The following DOCK1 variants were observed in gnomAD, a reference collection of about 807,000 sequenced individuals.
DOCK1 encodes the protein dedicator of cytokinesis 1, also known as dedicator of cytokinesis protein 1.
In DOCK1, 138 loss-of-function variants were observed where a neutral mutation model predicts 262.7. The observed-to-expected ratio is 0.53, with a 90% CI of 0.46 to 0.61. The LOEUF is 0.61. DOCK1 is among the 20% of genes least tolerant of loss of function. The pLI, the probability that DOCK1 is intolerant of heterozygous loss-of-function variation, is 0.00. For synonymous variants in DOCK1, 866 were observed against 867.4 expected, an observed-to-expected ratio of 1.00 and a Z score of 0.03; for missense variants, 1,908 against 2,370.7, an observed-to-expected ratio of 0.80 and a Z score of 4.05.
At chr10:127,265,263 T>C (rs542691215) in intron 29 of DOCK1, among the ~76,000 whole-genome samples, 3 of 152,316 alleles carry the variant, frequency 2.0e-5, no homozygotes, top group African/African-American at 7.2e-5. Flanking sequence ...TATTGTTTGG[T>C]TTTGTTCTAT....
At chr10:126,910,224 T>A (rs1564976561) in intron 1 of DOCK1, among the ~76,000 whole-genome samples, 1 of 152,254 alleles carries the variant, frequency 6.6e-6, no homozygotes, top group Admixed American at 6.5e-5. Flanking sequence ...AAACCTGATT[T>A]TACTTTGGAA....
intron 27 of DOCK1, among the ~76,000 whole-genome samples, chr10:127,134,195 A>T (rs1239126662): frequency 6.6e-6 from 1 of 152,190 alleles, no homozygotes; most frequent in East Asian, 1.9e-4. Context: ...GTTTTAATTA[A>T]GAGTTGTGTA....
rs1034582617 is a variant in DOCK1 at position 127,334,261 on chromosome 10, C to T, written c.3045-4745C>T. The stretch of plus-strand genomic sequence containing the variant: ...AGCCATTGATAGATAGATAGACATA[C>T]TTGAATTAAGACTTTAATTGTACAA... On this transcript the variant is annotated intron_variant, in intron 29 of 51. Transcript: ENST00000623213. Among the ~76,000 whole-genome samples, 4 of 152,172 alleles carry T rather than the reference C, an allele frequency of 2.6e-5. No homozygotes were observed. The East Asian group carries it at 7.7e-4, about 29-fold the overall frequency.
chr10:127,018,514 C>T, intron 12 of DOCK1, 196 bp from the exon 13 acceptor site: 1 of 720,086 alleles, frequency 1.4e-6, no homozygotes, highest in South Asian at 1.9e-5. Context: ...GGGCTGGCAT[C>T]CCAGCTCGTT....
intron 27 of DOCK1, among the ~76,000 whole-genome samples, chr10:127,190,306 C>T (rs909426857): frequency 2.0e-5 from 3 of 152,160 alleles, no homozygotes; most frequent in Non-Finnish European, 4.4e-5. Context: ...GCCCTGGAAG[C>T]CGTCTTCCTC....
intron 27 of DOCK1, among the ~76,000 whole-genome samples, chr10:127,196,791 C>T (rs891729663): frequency 2.0e-5 from 3 of 151,608 alleles, no homozygotes; most frequent in East Asian, 2.0e-4. Context: ...CGCGGGGCTC[C>T]GCCACAGCGC....
intron 3 of DOCK1, 124 bp from the exon 4 acceptor site, chr10:126,981,794 A>T: frequency 1.1e-6 from 1 of 873,664 alleles, no homozygotes; most frequent in Non-Finnish European, 1.7e-6. Context: ...TTGATATGTT[A>T]AGACTTAAAA....
At chr10:127,339,204 G>A (rs1241241782) in intron 30 of DOCK1, 120 bp downstream of exon 30, 19 of 859,430 alleles carry the variant, frequency 2.2e-5, no homozygotes, top group Non-Finnish European at 3.5e-5. Flanking sequence ...CATCCAAGAT[G>A]CGGAAACGGA....
intron 29 of DOCK1, among the ~76,000 whole-genome samples, chr10:127,308,153 CTT>C (rs2061943337): frequency 6.6e-6 from 1 of 152,218 alleles, no homozygotes; most frequent in Non-Finnish European, 1.5e-5. Flanking sequence ...AACCACATGC[CTT>C]TCTCTCTAGG....
At chr10:127,285,711 G>T (rs55688171) in intron 29 of DOCK1, among the ~76,000 whole-genome samples, 4,494 of 152,332 alleles carry the variant, frequency 0.03, 102 homozygotes, top group Middle Eastern at 0.061. Context: ...CTGGGCACTG[G>T]TAGTCCCTAT....
intron 1 of DOCK1, among the ~76,000 whole-genome samples, chr10:126,960,749 C>T (rs1194358480): frequency 2.9e-4 from 38 of 129,524 alleles, no homozygotes; most frequent in African/African-American, 8.5e-4. Flanking sequence ...TATATATACA[C>T]ACACACACAC....
At chr10:126,914,702 T>C (rs982954677) in intron 1 of DOCK1, among the ~76,000 whole-genome samples, 1 of 152,204 alleles carries the variant, frequency 6.6e-6, no homozygotes, top group African/African-American at 2.4e-5. Flanking sequence ...TAGGTAAACT[T>C]AGGTGTATTT....
chr10:127,372,765 A>G (rs1168683860), intron 33 of DOCK1, among the ~76,000 whole-genome samples: 1 of 152,218 alleles, frequency 6.6e-6, no homozygotes, highest in East Asian at 1.9e-4. Flanking sequence ...ATACATGCCC[A>G]TGGCGTACTT....
rs534568255 is a variant in DOCK1 at position 127,077,911 on chromosome 10, G to T, written c.2445+16135G>T. Among the ~76,000 whole-genome samples the T allele has an allele frequency of 8.7e-4, 132 of 152,108 alleles. 1 individual carries two copies. The South Asian group carries it at 9.6e-3, about 11-fold the overall frequency. On this transcript the variant is annotated intron_variant, in intron 23 of 51. Transcript: ENST00000623213. The stretch of plus-strand genomic sequence containing the variant: ...GAGCATTCCATGGAGGGGCAGGAGG[G>T]TATGGATGGGAGGGAGAAGGACAGT...
chr10:127,049,968 CTTTTTTTTT>C (rs71941085), intron 21 of DOCK1, among the ~76,000 whole-genome samples: 1 of 100,074 alleles, frequency 1.0e-5, no homozygotes, highest in African/African-American at 4.0e-5. Flanking sequence ...AAACTGGCCT[CTTTTTTTTT>C]TTTTTTTTTT....
chr10:127,123,013 A>G (rs2133048650), intron 25 of DOCK1, among the ~76,000 whole-genome samples: 1 of 152,300 alleles, frequency 6.6e-6, no homozygotes, highest in East Asian at 1.9e-4. Context: ...ACCAGAGCCT[A>G]CAGGGCCAGC....
intron 1 of DOCK1, among the ~76,000 whole-genome samples, chr10:126,918,413 G>A (rs776839712): frequency 7.9e-5 from 12 of 152,260 alleles, no homozygotes; most frequent in Non-Finnish European, 1.5e-4. Flanking sequence ...GGTGATGACG[G>A]TACTTTTTAT....
intron 1 of DOCK1, among the ~76,000 whole-genome samples, chr10:126,944,485 C>A (rs2035248701): frequency 6.6e-6 from 1 of 152,010 alleles, no homozygotes; most frequent in South Asian, 2.1e-4. Flanking sequence ...GTATGGAAGC[C>A]TCCAGAGATG....
intron 27 of DOCK1, among the ~76,000 whole-genome samples, chr10:127,208,520 C>A (rs906078280): frequency 3.3e-5 from 5 of 152,060 alleles, no homozygotes; most frequent in Admixed American, 3.3e-4. Context: ...TTCTCTGTAA[C>A]CATATGAAAA....
Sources: allele counts gnomAD v4.1 joint callset (sites outside exome capture counted in the v4.1 genomes callset), GRCh38; gene constraint gnomAD v4.1.1; transcripts MANE v1.5; gene names NCBI Gene and HGNC (gene_info 2026-07-23, HGNC 2026-07-21).